The following FOXO1 variants were observed in gnomAD, a reference collection of about 807,000 sequenced individuals.
FOXO1 encodes forkhead box O1.
In FOXO1, 6 loss-of-function variants were observed where a neutral mutation model predicts 44.1. That is an observed-to-expected ratio of 0.14 (90% CI 0.07 to 0.27). The LOEUF is 0.27. Among genes scored for constraint, FOXO1 ranks in the 10% least tolerant of loss-of-function variants. FOXO1 has a pLI of 1.00. For synonymous variants in FOXO1, 380 were observed against 362.7 expected (o/e 1.05, Z -0.54); for missense variants, 737 against 888.8 (o/e 0.83, Z 2.17).
At chr13:40,664,046 G>A (rs1046764328) in intron 1 of FOXO1, among the ~76,000 whole-genome samples, 3 of 152,160 alleles carry the variant, frequency 2.0e-5, no homozygotes, top group African/African-American at 7.2e-5. Context: ...AGGCCGAGGC[G>A]GGCCGATCAC....
At chr13:40,629,144 CTT>C (rs71961639) in intron 1 of FOXO1, among the ~76,000 whole-genome samples, 5 of 141,646 alleles carry the variant, frequency 3.5e-5, no homozygotes, top group African/African-American at 2.6e-5. Flanking sequence ...AACAACATGA[CTT>C]TTTTTTTTTT....
chr13:40,661,240 C>T (rs780659405), intron 1 of FOXO1, among the ~76,000 whole-genome samples: 5 of 151,986 alleles, frequency 3.3e-5, no homozygotes, highest in Non-Finnish European at 5.9e-5. Context: ...TCTTCATTAT[C>T]GCTTCCCCAA....
chr13:40,659,347 G>A (rs1334843380), intron 1 of FOXO1, among the ~76,000 whole-genome samples: 2 of 148,080 alleles, frequency 1.4e-5, no homozygotes, highest in Non-Finnish European at 3.0e-5. Flanking sequence ...GAAAAGAAAA[G>A]GAAGACTTAG....
intron 1 of FOXO1, among the ~76,000 whole-genome samples, chr13:40,587,809 A>G (rs1261029553): frequency 1.3e-5 from 2 of 152,242 alleles, no homozygotes; most frequent in Admixed American, 1.3e-4. Flanking sequence ...CCATCCAACT[A>G]AAGTGCTGTC....
chr13:40,586,965 T>C (rs1875191172), intron 1 of FOXO1, among the ~76,000 whole-genome samples: 1 of 152,182 alleles, frequency 6.6e-6, no homozygotes, highest in African/African-American at 2.4e-5. Flanking sequence ...CTTAAGATAT[T>C]TTTTGTCTGC....
At chr13:40,659,163 A>C (rs1877953283) in intron 1 of FOXO1, among the ~76,000 whole-genome samples, 2 of 151,516 alleles carry the variant, frequency 1.3e-5, no homozygotes, top group African/African-American at 4.9e-5. Flanking sequence ...AAAAATACAA[A>C]AATTATCCAG....
intron 1 of FOXO1, among the ~76,000 whole-genome samples, chr13:40,623,357 A>G (rs905213373): frequency 3.3e-5 from 5 of 152,180 alleles, no homozygotes; most frequent in African/African-American, 1.2e-4. Context: ...TTTCCTCTGC[A>G]TTTACGTCTG....
chr13:40,633,622 T>A (rs1877048621), intron 1 of FOXO1, among the ~76,000 whole-genome samples: 2 of 152,224 alleles, frequency 1.3e-5, no homozygotes, highest in African/African-American at 2.4e-5. Flanking sequence ...ATGGGAAGAA[T>A]GGGGAGTGAC....
At chr13:40,581,459 C>G (rs1874953682) in intron 1 of FOXO1, among the ~76,000 whole-genome samples, 1 of 152,206 alleles carries the variant, frequency 6.6e-6, no homozygotes, top group South Asian at 2.1e-4. Context: ...TGCTACAAAT[C>G]TTAACTTTCA....
At chr13:40,660,951 C>A (rs1437204303) in intron 1 of FOXO1, among the ~76,000 whole-genome samples, 3 of 41,172 alleles carry the variant, frequency 7.3e-5, no homozygotes, top group African/African-American at 5.9e-4. Context: ...CTCAGAAAAA[C>A]AACAACAACA....
chr13:40,567,120 T>C (rs1311959325), intron 1 of FOXO1, among the ~76,000 whole-genome samples: 1 of 152,058 alleles, frequency 6.6e-6, no homozygotes, highest in Non-Finnish European at 1.5e-5. Context: ...CCTCAGCCTA[T>C]ATGAAGACCA....
chr13:40,646,382 CA>C (rs1168340562), intron 1 of FOXO1, among the ~76,000 whole-genome samples: 1 of 150,666 alleles, frequency 6.6e-6, no homozygotes, highest in Non-Finnish European at 1.5e-5. Flanking sequence ...GGGGTTTCAC[CA>C]TATTGGCCAG....
chr13:40,645,199 G>C (rs1877471046), intron 1 of FOXO1, among the ~76,000 whole-genome samples: 1 of 152,178 alleles, frequency 6.6e-6, no homozygotes, highest in Non-Finnish European at 1.5e-5. Flanking sequence ...TGCAGTTTCA[G>C]TGGAAATTTA....
intron 1 of FOXO1, among the ~76,000 whole-genome samples, chr13:40,613,124 C>A (rs1175780090): frequency 6.6e-6 from 1 of 152,150 alleles, no homozygotes; most frequent in Non-Finnish European, 1.5e-5. Context: ...AAAAAGAACA[C>A]CTCATGCCTG....
At position 40,601,242 on chromosome 13, in the gene FOXO1, T is replaced by C. The variant is rs1332826564; in HGVS notation, c.631-40382A>G. Among the ~76,000 whole-genome samples, 13 of 152,296 alleles carry C rather than the reference T, an allele frequency of 8.5e-5. No individual in the cohort carries two copies. In the South Asian group the frequency reaches 1.9e-3, roughly 22 times the overall value. On this transcript the variant is annotated intron_variant, in intron 1 of 2. Transcript: ENST00000379561. ...GTATCTCTTCTCTAAATAAAAACAA[T>C]AAATAACATAAAAACAAGAATTTAA...
At chr13:40,652,270 GT>G (rs952965130) in intron 1 of FOXO1, among the ~76,000 whole-genome samples, 5 of 151,688 alleles carry the variant, frequency 3.3e-5, no homozygotes, top group Non-Finnish European at 7.4e-5. Flanking sequence ...AAACCTACTG[GT>G]GTAACAAACT....
intron 1 of FOXO1, among the ~76,000 whole-genome samples, chr13:40,629,394 G>T (rs1308306795): frequency 6.6e-6 from 1 of 152,232 alleles, no homozygotes; most frequent in South Asian, 2.1e-4. Flanking sequence ...TGCCCGCCTC[G>T]GCCTCCCAAG....
chr13:40,650,485 T>C (rs1274403908), intron 1 of FOXO1, among the ~76,000 whole-genome samples: 1 of 152,158 alleles, frequency 6.6e-6, no homozygotes, highest in Non-Finnish European at 1.5e-5. Flanking sequence ...TTTAAGAGGT[T>C]TGAATCTCAA....
At chr13:40,562,349 A>G (rs968613017) in intron 1 of FOXO1, among the ~76,000 whole-genome samples, 1 of 152,184 alleles carries the variant, frequency 6.6e-6, no homozygotes, top group African/African-American at 2.4e-5. Flanking sequence ...TCCCTAGGCC[A>G]ACTAGGGAAG....
Sources: gnomAD v4.1 joint callset for allele counts (sites outside exome capture counted in the v4.1 genomes callset) on GRCh38, gnomAD v4.1.1 for gene constraint, MANE v1.5 for transcripts, NCBI Gene and HGNC (gene_info 2026-07-23, HGNC 2026-07-21) for gene names.